The following GLRB variants were observed in gnomAD, a reference collection of about 807,000 sequenced individuals.
GLRB encodes glycine receptor subunit beta.
Under a neutral mutation model 54.2 loss-of-function variants are expected in GLRB, and 33 were observed. The observed-to-expected ratio is 0.61, with a 90% CI of 0.46 to 0.81. The LOEUF (loss-of-function observed/expected upper bound fraction) is 0.81, where lower values mean the gene tolerates loss of function less well. GLRB is among the 40% of genes least tolerant of loss of function. GLRB has a pLI of 0.00. For synonymous variants in GLRB, 209 were observed against 208.2 expected (o/e 1.00, Z -0.03); for missense variants, 572 against 584.6 (o/e 0.98, Z 0.22).
intron 9 of GLRB, among the ~76,000 whole-genome samples, chr4:157,157,072 G>C (rs533837710): frequency 6.6e-6 from 1 of 152,132 alleles, no homozygotes; most frequent in African/African-American, 2.4e-5. Context: ...TCCCCATGTT[G>C]TCTCTACCAA....
chr4:157,137,120 A>G (rs954648470), intron 6 of GLRB, among the ~76,000 whole-genome samples: 5 of 152,172 alleles, frequency 3.3e-5, no homozygotes, highest in Non-Finnish European at 7.4e-5. Context: ...ATGTAGGTGT[A>G]TACTTCTAAC....
intron 9 of GLRB, among the ~76,000 whole-genome samples, chr4:157,167,969 C>T (rs966575321): frequency 3.3e-5 from 5 of 152,138 alleles, no homozygotes; most frequent in Non-Finnish European, 7.4e-5. Context: ...TCATTCATTA[C>T]CCCAGGGAGG....
chr4:157,146,896 C>G (rs978957234), intron 8 of GLRB, among the ~76,000 whole-genome samples: 1 of 151,824 alleles, frequency 6.6e-6, no homozygotes, highest in Non-Finnish European at 1.5e-5. Context: ...TTGTAGGTAT[C>G]TTGAATGTGA....
chr4:157,158,808 A>G (rs1436825897), intron 9 of GLRB, among the ~76,000 whole-genome samples: 1 of 152,086 alleles, frequency 6.6e-6, no homozygotes, highest in African/African-American at 2.4e-5. Flanking sequence ...TTGTCTTGGC[A>G]ATGCGGGCTC....
chr4:157,100,590 CTTTTCCAT>C (rs1359538165), intron 2 of GLRB, among the ~76,000 whole-genome samples: 2 of 152,158 alleles, frequency 1.3e-5, no homozygotes, highest in African/African-American at 4.8e-5. Context: ...TTAGAGTTAG[CTTTTCCAT>C]TTTAATACAC....
At chr4:157,114,341 CT>C (rs148694325) in intron 2 of GLRB, among the ~76,000 whole-genome samples, 121 of 139,142 alleles carry the variant, frequency 8.7e-4, no homozygotes, top group Middle Eastern at 3.9e-3. Flanking sequence ...CTCTCTCTTT[CT>C]TTTTTTTTTT....
At chr4:157,133,186 A>G (rs1736279798) in intron 4 of GLRB, among the ~76,000 whole-genome samples, 1 of 151,942 alleles carries the variant, frequency 6.6e-6, no homozygotes, top group African/African-American at 2.4e-5. Flanking sequence ...AATGTTAATA[A>G]TACATATAAT....
intron 2 of GLRB, among the ~76,000 whole-genome samples, chr4:157,104,779 T>G (rs905687912): frequency 6.6e-6 from 1 of 152,042 alleles, no homozygotes; most frequent in Non-Finnish European, 1.5e-5. Context: ...TGATTCAGTC[T>G]TAGTGGATTG....
Position 157,152,851 on chromosome 4 carries a change from G to A in GLRB, c.1038G>A (p.Glu346=). The A allele has an allele frequency of 6.2e-7, 1 of 1,614,046 alleles. No homozygotes were observed. The highest frequency in any genetic ancestry group is 8.5e-7 in the Non-Finnish European group (1 of 1,179,994). ...CLLFGFASLV[E]YAVVQVMLNN... ...TCTTTGGGTTTGCTTCCCTGGTGGA[G>A]TATGCAGTTGTCCAGGTGATGCTGA... The change falls in exon 9 of 10, where the codon GAG becomes GAA. Residue 346 remains glutamate (E), a synonymous_variant. Transcript: ENST00000264428.
intron 9 of GLRB, among the ~76,000 whole-genome samples, chr4:157,165,813 A>G (rs1157432321): frequency 6.6e-6 from 1 of 152,094 alleles, no homozygotes; most frequent in African/African-American, 2.4e-5. Context: ...AATAAAAGAC[A>G]AAGAAAATAG....
At position 157,077,985 on chromosome 4, in the gene GLRB, C is replaced by G. The variant is rs1734097062; in HGVS notation, c.-29-11C>G. 6.4e-7 allele frequency: 1 copy of G among 1,558,982 alleles called. No individual in the cohort carries two copies. Among genetic ancestry groups the G allele is most frequent in the Non-Finnish European group, 8.8e-7 (1 of 1,133,742 alleles). On this transcript the variant is annotated splice_polypyrimidine_tract_variant and intron_variant, in intron 1 of 9. Transcript: ENST00000264428. ...TCATAAATGTAAACATTTTCTTGTTCTCTCTTGTAGATCGATCTTCTGAAA... is the reference window on the plus strand; with the variant it reads ...TCATAAATGTAAACATTTTCTTGTTGTCTCTTGTAGATCGATCTTCTGAAA...
chr4:157,082,129 CT>C lies in GLRB; in HGVS notation c.122+3984del, dbSNP rs1734242186. Among the ~76,000 whole-genome samples, 4 of 152,118 alleles carry C rather than the reference CT, an allele frequency of 2.6e-5. No homozygotes were observed. The South Asian group carries it at 8.3e-4, about 32-fold the overall frequency. Reference sequence around the variant, plus strand: ...TACCACTTACTGTTGATTTCTATGTCTGTGTATACAGCCCGTACCTCTTTGA... The same window carrying C: ...TACCACTTACTGTTGATTTCTATGTCGTGTATACAGCCCGTACCTCTTTGA... On this transcript the variant is annotated intron_variant, in intron 2 of 9. Coordinates refer to ENST00000264428, the MANE Select transcript of GLRB (RefSeq NM_000824.5).
chr4:157,101,762 C>T (rs2126482201), intron 2 of GLRB, among the ~76,000 whole-genome samples: 1 of 109,494 alleles, frequency 9.1e-6, no homozygotes, highest in African/African-American at 3.6e-5. Context: ...TTCACTCTGT[C>T]TTTCTCCTTT....
At chr4:157,100,726 G>T (rs983237596) in intron 2 of GLRB, among the ~76,000 whole-genome samples, 1 of 152,120 alleles carries the variant, frequency 6.6e-6, no homozygotes, top group African/African-American at 2.4e-5. Context: ...AACCAGTTGG[G>T]AATGTAGACA....
intron 9 of GLRB, among the ~76,000 whole-genome samples, chr4:157,154,253 A>G (rs891515990): frequency 6.6e-6 from 1 of 152,152 alleles, no homozygotes; most frequent in Non-Finnish European, 1.5e-5. Flanking sequence ...CTTGTAGACA[A>G]CATATAGTTG....
chr4:157,130,902 C>T (rs542484052), intron 4 of GLRB, among the ~76,000 whole-genome samples: 1 of 151,644 alleles, frequency 6.6e-6, no homozygotes, highest in Non-Finnish European at 1.5e-5. Flanking sequence ...AGGGAACCAA[C>T]AGCATAGTGA....
intron 9 of GLRB, among the ~76,000 whole-genome samples, chr4:157,154,423 C>CA (rs1737144924): frequency 9.7e-6 from 1 of 103,454 alleles, no homozygotes; most frequent in Non-Finnish European, 1.9e-5. Flanking sequence ...CTTCTTTTTC[C>CA]TTTTTTTTTT....
intron 2 of GLRB, among the ~76,000 whole-genome samples, chr4:157,093,437 G>A (rs555030120): frequency 2.6e-5 from 4 of 152,114 alleles, no homozygotes; most frequent in African/African-American, 7.2e-5. Context: ...AAAAAGAAGC[G>A]AAGTATAAAA....
intron 2 of GLRB, among the ~76,000 whole-genome samples, chr4:157,078,656 T>A (rs1035712617): frequency 6.6e-5 from 10 of 152,264 alleles, no homozygotes; most frequent in African/African-American, 2.4e-4. Flanking sequence ...GTAAATAGGT[T>A]ATATTAGGAG....
Sources: allele counts gnomAD v4.1 joint callset (sites outside exome capture counted in the v4.1 genomes callset), GRCh38; gene constraint gnomAD v4.1.1; transcripts MANE v1.5; gene names NCBI Gene and HGNC (gene_info 2026-07-23, HGNC 2026-07-21).